WDFY3: variants seen among roughly 807,000 people sequenced by gnomAD.
The protein encoded by WDFY3 is WD repeat and FYVE domain containing 3.
A neutral mutation model predicts 409.6 loss-of-function variants in WDFY3; 66 were observed. The observed-to-expected ratio is 0.16, with a 90% CI of 0.13 to 0.20. The LOEUF (loss-of-function observed/expected upper bound fraction) is 0.20. WDFY3 is among the 10% of genes least tolerant of loss of function. WDFY3 has a pLI of 1.00. For missense variants in WDFY3, 3,031 were observed against 4,298.1 expected (o/e 0.71, Z 8.24); for synonymous variants, 1,521 against 1,537.1 (o/e 0.99, Z 0.25).
intron 44 of WDFY3, among the ~76,000 whole-genome samples, chr4:84,729,823 A>G (rs1468354814): frequency 6.6e-6 from 1 of 152,218 alleles, no homozygotes; most frequent in African/African-American, 2.4e-5. Flanking sequence ...AATAATAATT[A>G]TTTTAATCAA....
chr4:84,752,958 G>A (rs996617963), intron 35 of WDFY3, among the ~76,000 whole-genome samples: 2 of 152,108 alleles, frequency 1.3e-5, no homozygotes, highest in Admixed American at 6.6e-5. Flanking sequence ...TAGTTCATTC[G>A]TTTTGAAAAG....
intron 53 of WDFY3, among the ~76,000 whole-genome samples, chr4:84,708,508 C>A (rs1732356393): frequency 6.6e-6 from 1 of 151,788 alleles, no homozygotes; most frequent in South Asian, 2.1e-4. Context: ...AACTACAAAC[C>A]AAATAAAACA....
At position 84,684,063 on chromosome 4, in the gene WDFY3, G is replaced by A. The variant is rs180858713; in HGVS notation, c.9606C>T (p.Ile3202=). 79 of 1,613,148 alleles carry A rather than the reference G, an allele frequency of 4.9e-5. 1 individual carries two copies. In the African/African-American group the frequency reaches 6.7e-4, roughly 14 times the overall value. Residue 3202 remains isoleucine (I), a synonymous_variant, in exon 63 of 68, where the codon ATC becomes ATT. Coordinates refer to ENST00000295888, the MANE Select transcript of WDFY3 (RefSeq NM_014991.6). ...IHVWSINGNP[I]VSVNTFTGRS... Reference sequence around the variant, plus strand: ...TACCTGTGAACGTGTTGACACTCACGATAGGGTTCCCATTGATGCTCCACA... The same window carrying A: ...TACCTGTGAACGTGTTGACACTCACAATAGGGTTCCCATTGATGCTCCACA...
chr4:84,921,074 A>T (rs1769207266), intron 2 of WDFY3, among the ~76,000 whole-genome samples: 1 of 152,184 alleles, frequency 6.6e-6, no homozygotes, highest in Non-Finnish European at 1.5e-5. Flanking sequence ...CTTGAAAAAA[A>T]CCCAACACTA....
At chr4:84,868,150 T>G (rs1328507553) in intron 3 of WDFY3, among the ~76,000 whole-genome samples, 1 of 105,392 alleles carries the variant, frequency 9.5e-6, no homozygotes, top group Non-Finnish European at 1.7e-5. Context: ...CCAGCCTGGG[T>G]GACAGAGCGA....
chr4:84,917,769 A>C (rs536661031), intron 2 of WDFY3, among the ~76,000 whole-genome samples: 1 of 152,256 alleles, frequency 6.6e-6, no homozygotes, highest in African/African-American at 2.4e-5. Flanking sequence ...AGCAAAGTCA[A>C]AAGACAAATG....
At chr4:84,842,729 G>A (rs1474387948) in intron 5 of WDFY3, among the ~76,000 whole-genome samples, 2 of 148,978 alleles carry the variant, frequency 1.3e-5, no homozygotes, top group East Asian at 2.0e-4. Flanking sequence ...TGCAGTGAGC[G>A]GAGATCACAC....
intron 56 of WDFY3, 112 bp downstream of exon 56, chr4:84,702,241 T>A (rs1209722096): frequency 8.6e-7 from 1 of 1,169,290 alleles, no homozygotes; most frequent in Non-Finnish European, 1.2e-6. Context: ...AGAAACTGTA[T>A]CAAATTTTTT....
In WDFY3 at chr4:84,794,947, T is replaced by A. The variant is rs1459021537; in HGVS notation, c.3200A>T (p.Asn1067Ile). 1 of 1,572,872 alleles carries A rather than the reference T, an allele frequency of 6.4e-7. No individual in the cohort carries two copies. The highest frequency in any genetic ancestry group is 8.6e-7 in the Non-Finnish European group (1 of 1,163,916). ...TGTGACGGTATTATTTGTAGGAGCA[T>A]TATGAGGGGCCAAACTGGGCAAAAA... ...CLFLPSLAPH[N>I]APTNNTVTTG... The change falls in exon 20 of 68, where the codon AAT becomes ATT. Residue 1067 changes from asparagine (N) to isoleucine (I), a missense_variant. Around this residue, in one of 16 missense-constraint regions of WDFY3, gnomAD observed 1,322 missense variants for 1,697.9 expected, o/e 0.78. Coordinates refer to ENST00000295888, the MANE Select transcript of WDFY3 (RefSeq NM_014991.6).
intron 32 of WDFY3, among the ~76,000 whole-genome samples, chr4:84,761,247 A>G (rs1036345126): frequency 7.9e-5 from 12 of 152,256 alleles, no homozygotes; most frequent in African/African-American, 2.9e-4. Context: ...ATTTTGGAAT[A>G]GGTGTGGTGT....
intron 8 of WDFY3, 36 bp downstream of exon 8, chr4:84,831,377 A>T (rs113696949): frequency 7.4e-7 from 1 of 1,357,840 alleles, no homozygotes; most frequent in Admixed American, 2.6e-5. Context: ...AAGTGGAAGA[A>T]ATTTAGAACA....
intron 34 of WDFY3, among the ~76,000 whole-genome samples, chr4:84,754,314 T>C (rs1008874804): frequency 2.6e-5 from 4 of 152,194 alleles, no homozygotes; most frequent in African/African-American, 7.2e-5. Flanking sequence ...ACAACAATGA[T>C]GATGATAAAA....
At chr4:84,701,819 CT>C (rs1263414970) in intron 56 of WDFY3, among the ~76,000 whole-genome samples, 1 of 152,104 alleles carries the variant, frequency 6.6e-6, no homozygotes, top group African/African-American at 2.4e-5. Context: ...TTCTGAAGTT[CT>C]AATTTTAAAA....
At chr4:84,703,964 T>C (rs1334400883) in intron 55 of WDFY3, among the ~76,000 whole-genome samples, 1 of 152,218 alleles carries the variant, frequency 6.6e-6, no homozygotes, top group African/African-American at 2.4e-5. Flanking sequence ...CAGTAGGTAT[T>C]TATTAAATAT....
At chr4:84,938,406 T>C (rs759533614) in intron 1 of WDFY3, among the ~76,000 whole-genome samples, 29 of 152,216 alleles carry the variant, frequency 1.9e-4, no homozygotes, top group Non-Finnish European at 4.0e-4. Flanking sequence ...GATACTTCCA[T>C]AAATTTGATA....
intron 61 of WDFY3, among the ~76,000 whole-genome samples, chr4:84,689,344 A>T (rs1015689362): frequency 6.6e-6 from 1 of 152,196 alleles, no homozygotes; most frequent in African/African-American, 2.4e-5. Context: ...TGCTTAGCAA[A>T]CCCCAGGAAA....
chr4:84,940,523 C>T (rs1412180536), intron 1 of WDFY3, among the ~76,000 whole-genome samples: 1 of 151,990 alleles, frequency 6.6e-6, no homozygotes, highest in Non-Finnish European at 1.5e-5. Context: ...GGCCCCATTA[C>T]CTCTCACTAC....
rs1427116910 is a variant in WDFY3 at position 84,739,047 on chromosome 4, A to G, written c.6537T>C (p.Ile2179=). Residue 2179 remains isoleucine (I), a synonymous_variant, in exon 40 of 68, where the codon ATT becomes ATC. Coordinates refer to ENST00000295888, the MANE Select transcript of WDFY3 (RefSeq NM_014991.6). ...TTWHIMIPSD[I]EPDGSYSQDI... ...CTTGGCTGTAACTACCATCTGGTTC[A>G]ATGTCCGAGGGGATCATAATGTGCC... 2 of 1,614,028 alleles carry G rather than the reference A, an allele frequency of 1.2e-6. No individual in the cohort carries two copies. The highest frequency in any genetic ancestry group is 1.7e-5 in the Admixed American group (1 of 60,002).
Position 84,820,989 on chromosome 4 carries a change from T to C in WDFY3, c.1591+95A>G, listed in dbSNP as rs189351786. On this transcript the variant is annotated intron_variant, in intron 11 of 67. Coordinates refer to ENST00000295888, the MANE Select transcript of WDFY3 (RefSeq NM_014991.6). ...CACAATAATGCACATTAGGAAGTCA[T>C]TGAAATCAATAACCAAAGAATGGGA... 5.3e-5 allele frequency: 65 copies of C among 1,226,238 alleles called. No homozygotes were observed. The African/African-American group carries it at 7.5e-4, about 14-fold the overall frequency. 76.0% of individuals were successfully genotyped at this position (1,226,238 alleles called of 1,614,324 possible). A position where few individuals can be genotyped will look rare whatever the true frequency, so the allele number is the denominator to read the frequency against.
Sources: allele counts gnomAD v4.1 joint callset (sites outside exome capture counted in the v4.1 genomes callset), GRCh38; gene constraint gnomAD v4.1.1; regional missense constraint gnomAD v4.1.1; transcripts MANE v1.5; gene names NCBI Gene and HGNC (gene_info 2026-07-23, HGNC 2026-07-21).